Variants in DAB2IP observed in about 807,000 individuals in gnomAD.
DAB2IP encodes disabled homolog 2-interacting protein.
In DAB2IP, 28 loss-of-function variants were observed where a neutral mutation model predicts 107.2. The observed-to-expected ratio is 0.26, with a 90% CI of 0.19 to 0.36. The LOEUF is 0.36. Ranked by LOEUF, DAB2IP falls within the 10% of genes least tolerant of loss-of-function variation. The pLI, the probability that DAB2IP is intolerant of heterozygous loss-of-function variation, is 1.00. For synonymous variants in DAB2IP, 755 were observed against 706.4 expected, an observed-to-expected ratio of 1.07 and a Z score of -1.09; for missense variants, 1,400 against 1,644.7, an observed-to-expected ratio of 0.85 and a Z score of 2.57.
chr9:121,591,558 C>T (rs1032151710), intron 1 of DAB2IP, among the ~76,000 whole-genome samples: 1 of 152,134 alleles, frequency 6.6e-6, no homozygotes, highest in Non-Finnish European at 1.5e-5. Context: ...AACAAGAAAC[C>T]ATTGAAGCTT....
chr9:121,770,327 A>C (rs1046445451), intron 10 of DAB2IP, among the ~76,000 whole-genome samples: 4 of 152,028 alleles, frequency 2.6e-5, no homozygotes, highest in Non-Finnish European at 5.9e-5. Flanking sequence ...TGGGCCTCCT[A>C]CTCCTGCCCT....
At chr9:121,622,268 G>A (rs1263086725) in intron 1 of DAB2IP, among the ~76,000 whole-genome samples, 2 of 152,302 alleles carry the variant, frequency 1.3e-5, no homozygotes, top group East Asian at 1.9e-4. Context: ...GATTACAGGC[G>A]TGAGCCACCG....
At position 121,703,565 on chromosome 9, in the gene DAB2IP, A is replaced by G. The variant is rs528774574; in HGVS notation, c.362+4107A>G. On this transcript the variant is annotated intron_variant, in intron 3 of 15. Coordinates refer to ENST00000408936, the Ensembl canonical transcript of DAB2IP. ...TTTGCTCATCTGCAGAATGGGCATC[A>G]TGATAATCATGTTGTTGAAGACATT... Among the ~76,000 whole-genome samples the G allele has an allele frequency of 4.6e-5, 7 of 152,344 alleles. No individual in the cohort carries two copies. The South Asian group carries it at 1.2e-3, about 27-fold the overall frequency.
intron 1 of DAB2IP, among the ~76,000 whole-genome samples, chr9:121,627,288 C>T (rs902431592): frequency 6.6e-5 from 10 of 152,048 alleles, no homozygotes; most frequent in African/African-American, 2.2e-4. Context: ...CGCTGCAGAA[C>T]GGTCACACAG....
intron 3 of DAB2IP, among the ~76,000 whole-genome samples, chr9:121,747,993 A>G (rs965441659): frequency 6.6e-6 from 1 of 152,226 alleles, no homozygotes; most frequent in Non-Finnish European, 1.5e-5. Context: ...TTCAGGAGCC[A>G]GTACCAGCGC....
At chr9:121,726,000 C>T (rs564851433) in intron 3 of DAB2IP, among the ~76,000 whole-genome samples, 9 of 152,174 alleles carry the variant, frequency 5.9e-5, no homozygotes, top group Non-Finnish European at 1.3e-4. Flanking sequence ...TCTTGGCACA[C>T]GACTCCTGAA....
chr9:121,773,380 G>GGT lies in DAB2IP; in HGVS notation c.2852_2853insGT (p.Thr952Ter). On this transcript the variant is annotated frameshift_variant, in exon 12 of 16. Transcript: ENST00000408936. LOFTEE classifies it high-confidence loss of function. ...CTGCAGTACCCAAGACCCTCAAGCG[G>GGT]AACCCTGGCGTCGGCCTCACCTGAT... The GGT allele has an allele frequency of 6.3e-7, 1 of 1,597,146 alleles. No individual in the cohort carries two copies. Among genetic ancestry groups the GGT allele is most frequent in the Non-Finnish European group, 8.5e-7 (1 of 1,172,922 alleles).
At chr9:121,721,942 T>C (rs918301131) in intron 3 of DAB2IP, among the ~76,000 whole-genome samples, 7 of 152,148 alleles carry the variant, frequency 4.6e-5, no homozygotes, top group Non-Finnish European at 7.4e-5. Flanking sequence ...ATGGAATCCT[T>C]GCATGCCCTG....
Position 121,701,538 on chromosome 9 carries a change from C to G in DAB2IP, c.362+2080C>G, listed in dbSNP as rs1829783684. The stretch of plus-strand genomic sequence containing the variant: ...TGGCCTCTCTGGCACAGGAAGGGAG[C>G]CTAGATTTCCCATGGACAGGCAGAA... On this transcript the variant is annotated intron_variant, in intron 3 of 15. Transcript: ENST00000408936. The surrounding 1 kb of genome is among the most constrained non-coding windows in gnomAD (Gnocchi z 4.7). Among the ~76,000 whole-genome samples the G allele has an allele frequency of 1.3e-5, 2 of 152,138 alleles. No homozygotes were observed. Among genetic ancestry groups the G allele is most frequent in the Non-Finnish European group, 2.9e-5 (2 of 68,032 alleles).
rs114893557 is a variant in DAB2IP, at chr9:121,581,228, C to A, written c.40+14000C>A. ...AGAAGCCTAGCCCAAGGAGGGAGGC[C>A]AAGAAGACCCAGAGCCAAGGGGGTA... On this transcript the variant is annotated intron_variant, in intron 1 of 16. Coordinates refer to the DAB2IP transcript ENST00000259371. 7.4e-3 allele frequency among the ~76,000 whole-genome samples: 1,132 copies of A among 152,224 alleles called. 17 individuals are homozygous for A. Among genetic ancestry groups the A allele is most frequent in the African/African-American group, 0.026 (1,084 of 41,540 alleles).
intron 1 of DAB2IP, among the ~76,000 whole-genome samples, chr9:121,622,622 C>T (rs1030806059): frequency 2.0e-5 from 3 of 152,182 alleles, no homozygotes; most frequent in Non-Finnish European, 2.9e-5. Flanking sequence ...GTAAGATTTC[C>T]ACTTCTCAGG....
chr9:121,581,448 T>G (rs1034700354), intron 1 of DAB2IP, among the ~76,000 whole-genome samples: 3 of 152,152 alleles, frequency 2.0e-5, no homozygotes, highest in Non-Finnish European at 4.4e-5. Flanking sequence ...AGTCAGACTC[T>G]TAGGGAACAA....
At chr9:121,610,326 A>G (rs1271758686) in intron 1 of DAB2IP, among the ~76,000 whole-genome samples, 1 of 152,162 alleles carries the variant, frequency 6.6e-6, no homozygotes, top group Non-Finnish European at 1.5e-5. Flanking sequence ...GATAATACCT[A>G]GCAGCTCACA....
At chr9:121,682,909 G>A (rs774741117) in intron 2 of DAB2IP, among the ~76,000 whole-genome samples, 5 of 152,038 alleles carry the variant, frequency 3.3e-5, no homozygotes, top group Non-Finnish European at 5.9e-5. Context: ...ACCACACAGT[G>A]CTACGAGGCT....
intron 1 of DAB2IP, among the ~76,000 whole-genome samples, chr9:121,642,075 C>CTTTCTTTCT: frequency 8.7e-6 from 1 of 115,586 alleles, no homozygotes; most frequent in East Asian, 2.4e-4. Context: ...TTCTTTCTTT[C>CTTTCTTTCT]TTTCTTTCTC....
At chr9:121,705,317 T>G (rs1420670091) in intron 3 of DAB2IP, among the ~76,000 whole-genome samples, 1 of 152,250 alleles carries the variant, frequency 6.6e-6, no homozygotes, top group Non-Finnish European at 1.5e-5. Flanking sequence ...TATATGTTAA[T>G]GTCCTTATAC....
Position 121,699,451 on chromosome 9 carries a change from A to G in DAB2IP, c.355A>G (p.Asn119Asp), listed in dbSNP as rs1829643714. ...GAGCGCCGCCGCCGCCGCCGCGGAC[A>G]ATGAGAGGTGAGCCCGCCGCCGCCG... Residue 119 changes from asparagine to aspartate, a missense_variant, in exon 3 of 16, where the codon AAT becomes GAT. Around this residue, in one of 3 missense-constraint regions of DAB2IP, gnomAD observed 283 missense variants for 237.0 expected, o/e 1.19. Coordinates refer to ENST00000408936, the Ensembl canonical transcript of DAB2IP. This position sits in a 1 kb window ranked among gnomAD's most constrained non-coding sequence, Gnocchi z 6.2. 8 of 1,414,022 alleles carry G rather than the reference A, an allele frequency of 5.7e-6. 1 individual carries two copies. The Admixed American group carries it at 1.2e-4, about 21-fold the overall frequency. 87.6% of individuals were successfully genotyped at this position (1,414,022 alleles called of 1,614,324 possible).
chr9:121,761,630 G>A (rs909657030), intron 6 of DAB2IP, among the ~76,000 whole-genome samples: 2 of 152,004 alleles, frequency 1.3e-5, no homozygotes, highest in African/African-American at 4.8e-5. Flanking sequence ...CTGGGGCGGG[G>A]ACCTCCTCCC....
rs1478777804 is a variant in DAB2IP, at chr9:121,699,162, C to CG, written c.229-160dup. 1.4e-5 allele frequency among the ~76,000 whole-genome samples: 2 copies of CG among 144,700 alleles called. No homozygotes were observed. The highest frequency in any genetic ancestry group is 3.1e-5 in the Non-Finnish European group (2 of 65,394). 94.9% of individuals were successfully genotyped at this position (144,700 alleles called of 152,430 possible). On this transcript the variant is annotated intron_variant, in intron 2 of 15. Transcript: ENST00000408936. This position sits in a 1 kb window ranked among gnomAD's most constrained non-coding sequence, Gnocchi z 6.2. ...GGCCGGGCCGTCGGCGCTCGGTCGG[C>CG]GGGCGGGCGGCGCGGGCCGCGAGCT...
Sources: gnomAD v4.1 joint callset for allele counts (sites outside exome capture counted in the v4.1 genomes callset) on GRCh38, gnomAD v4.1.1 for gene constraint, gnomAD v4.1.1 regional missense constraint, Gnocchi (gnomAD v3.1) non-coding constraint, MANE v1.5 for transcripts, NCBI Gene and HGNC (gene_info 2026-07-23, HGNC 2026-07-21) for gene names.